PPP3CA: variants seen among roughly 807,000 people sequenced by gnomAD.
The protein encoded by PPP3CA is CAM-PRP catalytic subunit.
A neutral mutation model predicts 66.5 loss-of-function variants in PPP3CA; 14 were observed. The observed-to-expected ratio is 0.21, with a 90% CI of 0.14 to 0.33. PPP3CA has a LOEUF of 0.33. Among genes scored for constraint, PPP3CA ranks in the 10% least tolerant of loss-of-function variants. The pLI is 1.00. For synonymous variants in PPP3CA, 232 were observed against 226.2 expected, an observed-to-expected ratio of 1.03 and a Z score of -0.23; for missense variants, 317 against 639.5, an observed-to-expected ratio of 0.50 and a Z score of 5.44.
At position 101,083,353 on chromosome 4, in the gene PPP3CA, G is replaced by C. The variant is rs1729523545; in HGVS notation, c.783-90C>G. 7 of 1,130,084 alleles carry C rather than the reference G, an allele frequency of 6.2e-6. No homozygotes were observed. The South Asian group carries it at 9.6e-5, about 15-fold the overall frequency. The allele number at this position is 1,130,084 out of a possible 1,614,324, so 70.0% of individuals were successfully genotyped here. On this transcript the variant is annotated intron_variant, in intron 6 of 13. Coordinates refer to ENST00000394854, the MANE Select transcript of PPP3CA (RefSeq NM_000944.5). Reference sequence around the variant, plus strand: ...TCTAACATCCAGATCTATGTGACTGGATCAAAGATAATCAAACATACATCA... The same window carrying C: ...TCTAACATCCAGATCTATGTGACTGCATCAAAGATAATCAAACATACATCA...
At chr4:101,178,965 A>G (rs1724150708) in intron 2 of PPP3CA, among the ~76,000 whole-genome samples, 1 of 152,104 alleles carries the variant, frequency 6.6e-6, no homozygotes, top group South Asian at 2.1e-4. Context: ...AATTATTTCT[A>G]TGACCCCTGG....
intron 2 of PPP3CA, among the ~76,000 whole-genome samples, chr4:101,131,010 T>A (rs1722411421): frequency 6.6e-6 from 1 of 152,068 alleles, no homozygotes. Context: ...GCAGATCACC[T>A]GAGATTAGGG....
rs1394307680 is a variant in PPP3CA at position 101,025,978 on chromosome 4, G to T, written c.1453C>A (p.Pro485Thr). ...GLDRINERMP[P>T]RRDAMPSDAN... ...TCAGAGGGCATGGCATCTCTGCGAG[G>T]CGGCATCCTCTCATTAATTCGGTCT... Residue 485 changes from proline (P) to threonine (T), a missense_variant, in exon 14 of 14, where the codon CCT (proline) becomes ACT (threonine). Around this residue, in one of 3 missense-constraint regions of PPP3CA, gnomAD observed 201 missense variants for 501.4 expected, o/e 0.40. Coordinates refer to ENST00000394854, the MANE Select transcript of PPP3CA (RefSeq NM_000944.5). 6.2e-7 allele frequency: 1 copy of T among 1,613,782 alleles called. No individual in the cohort carries two copies. Among genetic ancestry groups the T allele is most frequent in the Admixed American group, 1.7e-5 (1 of 59,996 alleles).
chr4:101,080,657 C>A, intron 7 of PPP3CA, 31 bp from the exon 8 acceptor site: 1 of 1,286,412 alleles, frequency 7.8e-7, no homozygotes, highest in Non-Finnish European at 1.1e-6. Context: ...CAAAACAAAG[C>A]TTGTATGGAA....
chr4:101,343,360 A>C (rs192823513), intron 1 of PPP3CA, among the ~76,000 whole-genome samples: 1 of 152,302 alleles, frequency 6.6e-6, no homozygotes, highest in East Asian at 1.9e-4. Flanking sequence ...AAAGCATTCT[A>C]GGCAGGAACA....
At chr4:101,220,123 A>G (rs1725577224) in intron 1 of PPP3CA, among the ~76,000 whole-genome samples, 1 of 151,848 alleles carries the variant, frequency 6.6e-6, no homozygotes, top group South Asian at 2.1e-4. Flanking sequence ...TGCCACTTAT[A>G]TAGTTGTTAC....
chr4:101,183,451 T>A (rs575323881), intron 2 of PPP3CA, among the ~76,000 whole-genome samples: 5 of 152,270 alleles, frequency 3.3e-5, no homozygotes, highest in African/African-American at 9.6e-5. Context: ...AGTGGCCATG[T>A]GTACCACTTA....
chr4:101,289,358 A>AT (rs1437503821), intron 1 of PPP3CA, among the ~76,000 whole-genome samples: 1 of 152,242 alleles, frequency 6.6e-6, no homozygotes, highest in Non-Finnish European at 1.5e-5. Context: ...GAATTCCATA[A>AT]TATTCCACAA....
chr4:101,183,370 G>A (rs1217432118), intron 2 of PPP3CA, among the ~76,000 whole-genome samples: 3 of 151,990 alleles, frequency 2.0e-5, no homozygotes, highest in East Asian at 1.9e-4. Flanking sequence ...TCCTCATACC[G>A]CACTGACAAA....
intron 1 of PPP3CA, among the ~76,000 whole-genome samples, chr4:101,302,546 T>C (rs942383135): frequency 2.6e-5 from 4 of 152,200 alleles, no homozygotes; most frequent in Admixed American, 1.3e-4. Flanking sequence ...TTCTGTTTTT[T>C]TGAGATGGAA....
At chr4:101,239,610 C>A (rs186866808) in intron 1 of PPP3CA, among the ~76,000 whole-genome samples, 4 of 152,124 alleles carry the variant, frequency 2.6e-5, no homozygotes, top group Admixed American at 2.0e-4. Flanking sequence ...TACAAACTCA[C>A]AAGTAGACAG....
At chr4:101,270,185 A>C in intron 1 of PPP3CA, among the ~76,000 whole-genome samples, 1 of 152,196 alleles carries the variant, frequency 6.6e-6, no homozygotes, top group East Asian at 1.9e-4. Context: ...TAACATCTGT[A>C]TCTTTTAAAG....
At chr4:101,159,755 C>A (rs564496496) in intron 2 of PPP3CA, among the ~76,000 whole-genome samples, 14 of 152,158 alleles carry the variant, frequency 9.2e-5, no homozygotes, top group Admixed American at 3.9e-4. Context: ...AACAGGATTG[C>A]AAAATACCAG....
chr4:101,288,551 G>A (rs988648450), intron 1 of PPP3CA, among the ~76,000 whole-genome samples: 3 of 151,642 alleles, frequency 2.0e-5, no homozygotes, highest in African/African-American at 7.3e-5. Context: ...GGAGCGGGAG[G>A]GGGAGGGGAG....
intron 1 of PPP3CA, among the ~76,000 whole-genome samples, chr4:101,200,235 T>G (rs1313610577): frequency 6.6e-6 from 1 of 152,162 alleles, no homozygotes; most frequent in Non-Finnish European, 1.5e-5. Context: ...GACTGGAAGA[T>G]GGTCCGTGAA....
At chr4:101,270,996 T>A (rs1295301866) in intron 1 of PPP3CA, among the ~76,000 whole-genome samples, 1 of 151,972 alleles carries the variant, frequency 6.6e-6, no homozygotes, top group African/African-American at 2.4e-5. Flanking sequence ...AAGGCTGGAG[T>A]ACAGATTCAA....
intron 2 of PPP3CA, among the ~76,000 whole-genome samples, chr4:101,140,076 G>C (rs1722755980): frequency 6.6e-6 from 1 of 152,044 alleles, no homozygotes; most frequent in Non-Finnish European, 1.5e-5. Flanking sequence ...ATTATGACTA[G>C]AAGTGAATGA....
chr4:101,135,734 T>C (rs1722600769), intron 2 of PPP3CA, among the ~76,000 whole-genome samples: 1 of 152,274 alleles, frequency 6.6e-6, no homozygotes, highest in Admixed American at 6.5e-5. Flanking sequence ...GGCACTGTGA[T>C]GTAATGAGCT....
chr4:101,029,925 T>C (rs1726864997), intron 12 of PPP3CA, among the ~76,000 whole-genome samples: 2 of 151,902 alleles, frequency 1.3e-5, no homozygotes, highest in Non-Finnish European at 2.9e-5. Context: ...TAGTGGAATA[T>C]CCTTTTTGGA....
Sources: allele counts gnomAD v4.1 joint callset (sites outside exome capture counted in the v4.1 genomes callset), GRCh38; gene constraint gnomAD v4.1.1; regional missense constraint gnomAD v4.1.1; transcripts MANE v1.5; gene names NCBI Gene and HGNC (gene_info 2026-07-23, HGNC 2026-07-21).